The following ZFPM2 variants were observed in gnomAD, a reference collection of about 807,000 sequenced individuals.
The protein encoded by ZFPM2 is zinc finger protein, FOG family member 2.
Under a neutral mutation model 98.6 loss-of-function variants are expected in ZFPM2, and 20 were observed. The ratio of observed to expected loss-of-function variants is 0.20; its 90% CI spans 0.14 to 0.29. The LOEUF is 0.29. ZFPM2 is among the 10% of genes least tolerant of loss of function. The probability of loss-of-function intolerance (pLI) is 1.00; values close to 1 mark genes in which losing one functional copy is unlikely to be tolerated. For synonymous variants in ZFPM2, 518 were observed against 502.7 expected (o/e 1.03, Z -0.41); for missense variants, 1,310 against 1,388.6 (o/e 0.94, Z 0.90).
chr8:105,367,090 G>A (rs1810527929), intron 1 of ZFPM2, among the ~76,000 whole-genome samples: 1 of 121,898 alleles, frequency 8.2e-6, no homozygotes, highest in African/African-American at 3.6e-5. Flanking sequence ...CTATATCTCT[G>A]TTTTGGTACC....
intron 5 of ZFPM2, among the ~76,000 whole-genome samples, chr8:105,736,474 C>G (rs1207867126): frequency 1.3e-5 from 2 of 151,834 alleles, no homozygotes; most frequent in Admixed American, 6.6e-5. Flanking sequence ...AAAATAAAGA[C>G]TTTTTTTCCC....
intron 4 of ZFPM2, among the ~76,000 whole-genome samples, chr8:105,581,890 C>T (rs925121813): frequency 5.9e-5 from 9 of 152,168 alleles, no homozygotes; most frequent in African/African-American, 2.2e-4. Context: ...TTCTGTGATA[C>T]CATCACATCG....
At chr8:105,554,058 A>C (rs1814927147) in intron 3 of ZFPM2, among the ~76,000 whole-genome samples, 1 of 152,166 alleles carries the variant, frequency 6.6e-6, no homozygotes. Context: ...TATGTTCAAA[A>C]CTGTAGTTTA....
At chr8:105,453,274 C>T (rs1484814525) in intron 3 of ZFPM2, among the ~76,000 whole-genome samples, 2 of 152,036 alleles carry the variant, frequency 1.3e-5, no homozygotes, top group Non-Finnish European at 2.9e-5. Flanking sequence ...GTATGTTCTA[C>T]CAGAAATTGA....
chr8:105,725,882 C>T (rs1364226079), intron 5 of ZFPM2, among the ~76,000 whole-genome samples: 5 of 151,566 alleles, frequency 3.3e-5, no homozygotes, highest in Non-Finnish European at 5.9e-5. Flanking sequence ...GGGAAGAGGG[C>T]CATTGGGTCT....
chr8:105,684,026 T>G (rs1172166034), intron 5 of ZFPM2, among the ~76,000 whole-genome samples: 1 of 152,160 alleles, frequency 6.6e-6, no homozygotes, highest in Admixed American at 6.6e-5. Context: ...GAGGACATCA[T>G]GATAATGTAG....
Position 105,500,913 on chromosome 8 carries a change from G to A in ZFPM2, c.301+56532G>A, listed in dbSNP as rs142895508. ...ATAAAGGTTATTGAAATTGAAAAAC[G>A]TAAAGAAGAAAGATTTAGTCAAAAT... On this transcript the variant is annotated intron_variant, in intron 3 of 7. Coordinates refer to ENST00000407775, the MANE Select transcript of ZFPM2 (RefSeq NM_012082.4). 4.3e-3 allele frequency among the ~76,000 whole-genome samples: 648 copies of A among 152,142 alleles called. 6 individuals carry two copies. The highest frequency in any genetic ancestry group is 0.014 in the African/African-American group (598 of 41,530).
chr8:105,570,846 T>G (rs1815339379), intron 4 of ZFPM2, among the ~76,000 whole-genome samples: 1 of 152,170 alleles, frequency 6.6e-6, no homozygotes, highest in Non-Finnish European at 1.5e-5. Context: ...GGCCTTTGGT[T>G]TATATGGCTA....
At chr8:105,480,049 C>T (rs1375545098) in intron 3 of ZFPM2, among the ~76,000 whole-genome samples, 1 of 152,162 alleles carries the variant, frequency 6.6e-6, no homozygotes. Flanking sequence ...GCTGTAAGCT[C>T]AGTTATTGCT....
intron 3 of ZFPM2, among the ~76,000 whole-genome samples, chr8:105,513,334 A>G (rs1813854104): frequency 6.6e-6 from 1 of 152,188 alleles, no homozygotes; most frequent in South Asian, 2.1e-4. Flanking sequence ...CTCATGAATC[A>G]TTTGCAGATA....
At chr8:105,759,705 G>T (rs1812694411) in intron 5 of ZFPM2, among the ~76,000 whole-genome samples, 1 of 151,584 alleles carries the variant, frequency 6.6e-6, no homozygotes, top group Non-Finnish European at 1.5e-5. Flanking sequence ...AATCTAGTAG[G>T]CATGGTGAAA....
At chr8:105,703,042 T>C (rs1811174787) in intron 5 of ZFPM2, among the ~76,000 whole-genome samples, 3 of 152,174 alleles carry the variant, frequency 2.0e-5, no homozygotes, top group African/African-American at 4.8e-5. Flanking sequence ...TGAGTTTTGC[T>C]TGGACTCCTT....
chr8:105,345,396 G>A (rs1268717688), intron 1 of ZFPM2, among the ~76,000 whole-genome samples: 6 of 145,736 alleles, frequency 4.1e-5, no homozygotes, highest in Admixed American at 2.8e-4. Flanking sequence ...ATGATTCTGC[G>A]CTGACATATC....
chr8:105,421,150 T>C (rs67057051), intron 2 of ZFPM2, among the ~76,000 whole-genome samples: 52,269 of 151,986 alleles, frequency 0.34, 11,293 homozygotes, highest in African/African-American at 0.62. Context: ...AATCAGAGTC[T>C]TAACTCATGA....
intron 5 of ZFPM2, among the ~76,000 whole-genome samples, chr8:105,746,639 T>G (rs1812352374): frequency 6.7e-6 from 1 of 149,604 alleles, no homozygotes; most frequent in South Asian, 2.1e-4. Flanking sequence ...TGCGTTTTCT[T>G]GTTCTGTTTT....
chr8:105,625,823 T>G (rs910195802), intron 4 of ZFPM2, among the ~76,000 whole-genome samples: 9 of 151,974 alleles, frequency 5.9e-5, no homozygotes, highest in Non-Finnish European at 1.0e-4. Context: ...CCTCAGGCGA[T>G]CCACCAACCT....
At chr8:105,507,111 A>G (rs1813719401) in intron 3 of ZFPM2, among the ~76,000 whole-genome samples, 1 of 152,214 alleles carries the variant, frequency 6.6e-6, no homozygotes, top group Non-Finnish European at 1.5e-5. Flanking sequence ...TTTAAAGTTC[A>G]TGCAAACAAA....
At chr8:105,352,296 A>G (rs1386494633) in intron 1 of ZFPM2, among the ~76,000 whole-genome samples, 1 of 152,212 alleles carries the variant, frequency 6.6e-6, no homozygotes, top group African/African-American at 2.4e-5. Context: ...TTAAATACCG[A>G]ATTAAAATAT....
chr8:105,383,386 A>T (rs1160681403), intron 1 of ZFPM2, among the ~76,000 whole-genome samples: 2 of 152,198 alleles, frequency 1.3e-5, no homozygotes, highest in East Asian at 3.9e-4. Context: ...TTACAGTCAA[A>T]AATTGGTCAG....
Sources: allele counts gnomAD v4.1 joint callset (sites outside exome capture counted in the v4.1 genomes callset), GRCh38; gene constraint gnomAD v4.1.1; transcripts MANE v1.5; gene names NCBI Gene and HGNC (gene_info 2026-07-23, HGNC 2026-07-21).